Variants in CYP26C1 observed in about 807,000 individuals in gnomAD.
The protein encoded by CYP26C1 is cytochrome P450 family 26 subfamily C member 1, also known as cytochrome P450 26C1.
CYP26C1 carries 41 observed loss-of-function variants against 39.1 expected under a neutral mutation model. The observed-to-expected ratio is 1.05, with a 90% CI of 0.82 to 1.36. CYP26C1 has a LOEUF of 1.36. CYP26C1 is among the 40% of genes most tolerant of loss of function. The pLI, the probability that CYP26C1 is intolerant of heterozygous loss-of-function variation, is 0.00. For synonymous variants in CYP26C1, 362 were observed against 350.8 expected (o/e 1.03, Z -0.36); for missense variants, 833 against 752.0 (o/e 1.11, Z -1.26).
chr10:93,066,330 C>G lies in CYP26C1; in HGVS notation c.1191+45C>G, dbSNP rs756340298. ...CCATGGCCAGCCTCCTGCCTCCTGC[C>G]GCCTGCCGCCTGCCGCCTGCCGCCT... On this transcript the variant is annotated intron_variant, in intron 5 of 5. Transcript: ENST00000651965. 1.3e-5 allele frequency: 4 copies of G among 306,930 alleles called. No individual in the cohort carries two copies. In the African/African-American group the frequency reaches 1.4e-4, roughly 11 times the overall value. 19.0% of individuals were successfully genotyped at this position (306,930 alleles called of 1,614,324 possible).
rs772367788 is a variant in CYP26C1 at position 93,068,353 on chromosome 10, T to G, written c.1225T>G (p.Tyr409Asp). 28 of 1,555,904 alleles carry G rather than the reference T, an allele frequency of 1.8e-5. No individual in the cohort carries two copies. Among genetic ancestry groups the G allele is most frequent in the Admixed American group, 1.2e-4 (6 of 49,438 alleles). ...YQIPKGWSVM[Y>D]SIRDTHETAA... ...GATCCCCAAGGGCTGGAGCGTGATG[T>G]ATAGCATCCGGGACACGCACGAGAC... Residue 409 changes from tyrosine to aspartate, a missense_variant, in exon 6 of 6, where the codon TAT becomes GAT. By Grantham distance (160) the Tyr-to-Asp change is radical. Transcript: ENST00000651965.
intron 3 of CYP26C1, chr10:93,063,708 A>T: frequency 1.0e-6 from 1 of 983,494 alleles, no homozygotes; most frequent in Middle Eastern, 5.2e-4. Flanking sequence ...TAATCCTCGC[A>T]GCCTGCAAAG....
In CYP26C1 at chr10:93,066,077, C is replaced by T; in HGVS notation, c.983C>T (p.Ala328Val). 1.4e-6 allele frequency: 2 copies of T among 1,479,854 alleles called. No homozygotes were observed. The highest frequency in any genetic ancestry group is 1.5e-5 in the African/African-American group (1 of 68,862). 91.7% of individuals were successfully genotyped at this position (1,479,854 alleles called of 1,614,324 possible). The change falls in exon 5 of 6, where the codon GCG becomes GTG. Residue 328 changes from alanine (A) to valine (V), a missense_variant. Physicochemically the swap from Ala to Val is moderately conservative, Grantham distance 64 (BLOSUM62 0). Coordinates refer to ENST00000651965, the MANE Select transcript of CYP26C1 (RefSeq NM_183374.3). Reference protein sequence around the residue: ...AIAKIREELVAQGLGRACGCA... With the variant: ...AIAKIREELVVQGLGRACGCA... Reference sequence around the variant, plus strand: ...GCCAAGATTCGGGAGGAGCTGGTGGCGCAGGGGCTGGGGCGCGCGTGCGGC... The same window carrying T: ...GCCAAGATTCGGGAGGAGCTGGTGGTGCAGGGGCTGGGGCGCGCGTGCGGC...
At chr10:93,061,619 C>A in intron 1 of CYP26C1, 152 bp downstream of exon 1, 1 of 560,210 alleles carries the variant, frequency 1.8e-6, no homozygotes. Flanking sequence ...TCGCCTTTAC[C>A]TAGATACTCC....
chr10:93,067,795 A>C lies in CYP26C1; in HGVS notation c.1192-525A>C, dbSNP rs543360647. Among the ~76,000 whole-genome samples, 3 of 152,324 alleles carry C rather than the reference A, an allele frequency of 2.0e-5. No individual in the cohort carries two copies. The South Asian group carries it at 6.2e-4, about 32-fold the overall frequency. On this transcript the variant is annotated intron_variant, in intron 5 of 5. Coordinates refer to ENST00000651965, the MANE Select transcript of CYP26C1 (RefSeq NM_183374.3). ...GCGCCTTCTTAAAGTGTGGTACCAA[A>C]TCTGAACATTATCGTCCAGCTGATG...
At position 93,060,842 on chromosome 10, in the gene CYP26C1, A is replaced by C; in HGVS notation, c.-422A>C. ...AGGGACAGGTGGGGCGGGGGTCTGC[A>C]GACCAGGTTGGCAACACTGGTGAGT... On this transcript the variant is annotated 5_prime_UTR_variant, in exon 1 of 6. Coordinates refer to ENST00000651965, the MANE Select transcript of CYP26C1 (RefSeq NM_183374.3). 3 of 213,422 alleles carry C rather than the reference A, an allele frequency of 1.4e-5. No homozygotes were observed. Among genetic ancestry groups the C allele is most frequent in the Non-Finnish European group, 2.8e-5 (3 of 107,920 alleles). 13.2% of individuals were successfully genotyped at this position (213,422 alleles called of 1,614,324 possible).
At position 93,068,889 on chromosome 10, in the gene CYP26C1, C is replaced by CTT; in HGVS notation, c.*192_*193insTT. The CTT allele has an allele frequency of 9.9e-7, 1 of 1,008,256 alleles. No individual in the cohort carries two copies. The highest frequency in any genetic ancestry group is 3.7e-5 in the Admixed American group (1 of 26,688). The allele number at this position is 1,008,256 out of a possible 1,614,324, so 62.5% of individuals were successfully genotyped here. On this transcript the variant is annotated 3_prime_UTR_variant, in exon 6 of 6. Transcript: ENST00000651965. Reference sequence around the variant, plus strand: ...GGAGGGCGAGCCACCGCTGCCGCGCCAGAGAAGCATCTAAGCCCATGGGAA... The same window carrying CTT: ...GGAGGGCGAGCCACCGCTGCCGCGCCTTAGAGAAGCATCTAAGCCCATGGGAA...
At chr10:93,066,847 C>T (rs903280507) in intron 5 of CYP26C1, among the ~76,000 whole-genome samples, 2 of 152,218 alleles carry the variant, frequency 1.3e-5, no homozygotes, top group Non-Finnish European at 2.9e-5. Context: ...CTAGAACTGA[C>T]TCCATCTCCG....
At chr10:93,064,863 C>G (rs1846803435) in intron 4 of CYP26C1, 1 of 1,029,804 alleles carries the variant, frequency 9.7e-7, no homozygotes, top group Non-Finnish European at 1.2e-6. Context: ...GCCTTTGCCT[C>G]TGCTGTCCCC....
chr10:93,061,922 T>A, intron 1 of CYP26C1, 88 bp from the exon 2 acceptor site: 2 of 1,340,144 alleles, frequency 1.5e-6, no homozygotes, highest in Middle Eastern at 3.7e-4. Context: ...GGACAGGAAG[T>A]TGTGATCAAA....
intron 3 of CYP26C1, chr10:93,063,597 C>G: frequency 1.0e-6 from 1 of 985,624 alleles, no homozygotes; most frequent in Non-Finnish European, 1.2e-6. Flanking sequence ...TATTCTGGGA[C>G]TTCCCACTGT....
Position 93,068,794 on chromosome 10 carries a change from C to CT in CYP26C1, c.*100dup. 1 of 1,419,900 alleles carries CT rather than the reference C, an allele frequency of 7.0e-7. No homozygotes were observed. Among genetic ancestry groups the CT allele is most frequent in the Admixed American group, 3.3e-5 (1 of 29,992 alleles). 88.0% of individuals were successfully genotyped at this position (1,419,900 alleles called of 1,614,324 possible). On this transcript the variant is annotated 3_prime_UTR_variant, in exon 6 of 6. Coordinates refer to ENST00000651965, the MANE Select transcript of CYP26C1 (RefSeq NM_183374.3). Reference sequence around the variant, plus strand: ...CCCATTGTAGCGTCGCGCGCCCACTCTTTCACTCGTTCAACAATCTTTCAA... The same window carrying CT: ...CCCATTGTAGCGTCGCGCGCCCACTCTTTTCACTCGTTCAACAATCTTTCAA...
rs1378982952 is a variant in CYP26C1, at chr10:93,062,885, G to C, written c.595G>C (p.Gly199Arg). The C allele has an allele frequency of 1.9e-6, 3 of 1,605,246 alleles. No individual in the cohort carries two copies. The highest frequency in any genetic ancestry group is 1.3e-5 in the African/African-American group (1 of 74,784). The change falls in exon 3 of 6, where the codon GGG (glycine) becomes CGG (arginine). Residue 199 changes from glycine to arginine, a missense_variant. Gly to Arg is a moderately radical substitution (Grantham distance 125). Transcript: ENST00000651965. ...CCGCATGGCCGCGCGCATCCTGCTG[G>C]GGTTGCGGCTGGACGAGGCGCAGTG... ...TFRMAARILL[G>R]LRLDEAQCAT... is the part of the protein sequence containing the mutation.
At chr10:93,064,915 T>A (rs1590136775) in intron 4 of CYP26C1, among the ~76,000 whole-genome samples, 1 of 152,160 alleles carries the variant, frequency 6.6e-6, no homozygotes, top group African/African-American at 2.4e-5. Flanking sequence ...CTAGAAACTC[T>A]AAGGGGCTCA....
In CYP26C1 at chr10:93,062,849, G is replaced by C. The variant is rs1255804342; in HGVS notation, c.559G>C (p.Ala187Pro). 1 of 1,597,516 alleles carries C rather than the reference G, an allele frequency of 6.3e-7. No individual in the cohort carries two copies. Among genetic ancestry groups the C allele is most frequent in the Non-Finnish European group, 8.5e-7 (1 of 1,176,956 alleles). Reference sequence around the variant, plus strand: ...GGTCTCAGTCTACGACGCCTCCAAAGCGCTCACCTTCCGCATGGCCGCGCG... The same window carrying C: ...GGTCTCAGTCTACGACGCCTCCAAACCGCTCACCTTCCGCATGGCCGCGCG... ...GPVSVYDASK[A>P]LTFRMAARIL... Residue 187 changes from alanine (A) to proline (P), a missense_variant, in exon 3 of 6, where the codon GCG becomes CCG. Transcript: ENST00000651965.
At position 93,068,408 on chromosome 10, in the gene CYP26C1, G is replaced by C. The variant is rs1238618853; in HGVS notation, c.1280G>C (p.Gly427Ala). ...GCGGTGTACCGCAGCCCTCCCGAAG[G>C]CTTCGATCCAGAGCGCTTCGGCGCA... ...TAAVYRSPPE[G>A]FDPERFGAAR... Residue 427 changes from glycine to alanine, a missense_variant, in exon 6 of 6, where the codon GGC becomes GCC. By Grantham distance (60) the Gly-to-Ala change is moderately conservative. Coordinates refer to ENST00000651965, the MANE Select transcript of CYP26C1 (RefSeq NM_183374.3). 5.0e-6 allele frequency: 8 copies of C among 1,610,600 alleles called. No individual in the cohort carries two copies. The highest frequency in any genetic ancestry group is 6.8e-6 in the Non-Finnish European group (8 of 1,178,932).
At chr10:93,066,667 A>G (rs1436431640) in intron 5 of CYP26C1, among the ~76,000 whole-genome samples, 2 of 152,192 alleles carry the variant, frequency 1.3e-5, no homozygotes, top group African/African-American at 2.4e-5. Flanking sequence ...AGAACCCCTC[A>G]GTATGTCCTG....
chr10:93,068,267 C>T (rs1351750358), intron 5 of CYP26C1, 53 bp from the exon 6 acceptor site: 8 of 1,480,520 alleles, frequency 5.4e-6, no homozygotes, highest in Admixed American at 5.1e-5. Flanking sequence ...AGTTCAGGGC[C>T]CCCCCGTTTC....
At chr10:93,067,370 T>C (rs1026930972) in intron 5 of CYP26C1, among the ~76,000 whole-genome samples, 1 of 152,232 alleles carries the variant, frequency 6.6e-6, no homozygotes, top group Admixed American at 6.5e-5. Flanking sequence ...GAGAGCAGAC[T>C]CAGACAAAGG....
Sources: allele counts gnomAD v4.1 joint callset (sites outside exome capture counted in the v4.1 genomes callset), GRCh38; gene constraint gnomAD v4.1.1; transcripts MANE v1.5; gene names NCBI Gene and HGNC (gene_info 2026-07-23, HGNC 2026-07-21).